SLC25A40: variants seen among roughly 807,000 people sequenced by gnomAD.
SLC25A40 encodes the protein mitochondrial glutathione transporter SLC25A40.
In SLC25A40, 41 loss-of-function variants were observed where a neutral mutation model predicts 46.5. The ratio of observed to expected loss-of-function variants is 0.88; its 90% CI spans 0.69 to 1.14. The LOEUF is 1.14. SLC25A40 is among the 50% of genes most tolerant of loss of function. The pLI is 0.00. For missense variants in SLC25A40, 386 were observed against 393.6 expected (o/e 0.98, Z 0.16); for synonymous variants, 126 against 127.5 (o/e 0.99, Z 0.08).
chr7:87,850,023 G>T, intron 5 of SLC25A40, 75 bp from the exon 6 acceptor site: 2 of 886,420 alleles, frequency 2.3e-6, no homozygotes, highest in South Asian at 1.9e-5. Context: ...ACTGATGATT[G>T]GTAATTTCAT....
At chr7:87,838,990 A>G (rs553511254) in intron 10 of SLC25A40, among the ~76,000 whole-genome samples, 28 of 151,692 alleles carry the variant, frequency 1.8e-4, no homozygotes, top group African/African-American at 5.8e-4. Context: ...GTTTTTAACA[A>G]TCTTGCCATG....
chr7:87,861,848 AAAC>A (rs1838704321), intron 1 of SLC25A40, among the ~76,000 whole-genome samples: 1 of 152,208 alleles, frequency 6.6e-6, no homozygotes, highest in Non-Finnish European at 1.5e-5. Flanking sequence ...GAATGTAAGG[AAAC>A]AAGTCAGAAA....
rs138037312 is a variant in SLC25A40, at chr7:87,876,299, A to C, written c.-297T>G. ...GGGTCTGAGACTGAGAGAGCAACGGAATGGAGGCGGGGTAGAGGCGGAAAC... is the reference window on the plus strand; with the variant it reads ...GGGTCTGAGACTGAGAGAGCAACGGCATGGAGGCGGGGTAGAGGCGGAAAC... On this transcript the variant is annotated 5_prime_UTR_variant, in exon 1 of 12. The change creates a new upstream start codon in the 5' untranslated region. Transcript: ENST00000341119. 1 of 161,280 alleles carries C rather than the reference A, an allele frequency of 6.2e-6. No homozygotes were observed. The highest frequency in any genetic ancestry group is 1.3e-5 in the Non-Finnish European group (1 of 74,860). 10.0% of individuals were successfully genotyped at this position (161,280 alleles called of 1,614,324 possible).
chr7:87,848,531 A>C (rs769930905), intron 6 of SLC25A40, among the ~76,000 whole-genome samples: 1 of 152,228 alleles, frequency 6.6e-6, no homozygotes, highest in Non-Finnish European at 1.5e-5. Flanking sequence ...TAACATCAGA[A>C]TCAGCGAAAT....
chr7:87,836,667 T>C, intron 11 of SLC25A40, 63 bp downstream of exon 11: 1 of 1,102,948 alleles, frequency 9.1e-7, no homozygotes, highest in Admixed American at 2.6e-5. Context: ...AAGTTAATTT[T>C]AGAAGGTAAT....
chr7:87,862,194 G>T (rs979970469), intron 1 of SLC25A40, among the ~76,000 whole-genome samples: 1 of 152,060 alleles, frequency 6.6e-6, no homozygotes, highest in African/African-American at 2.4e-5. Flanking sequence ...TCTCCTATGT[G>T]CAGACACTGT....
intron 10 of SLC25A40, 117 bp from the exon 11 acceptor site, chr7:87,836,927 GGTTT>G (rs1838265150): frequency 1.9e-6 from 1 of 518,256 alleles, no homozygotes; most frequent in Admixed American, 4.2e-5. Context: ...CATAAGAAGA[GGTTT>G]GTTTACCTAA....
intron 10 of SLC25A40, among the ~76,000 whole-genome samples, chr7:87,841,159 G>GTGTGTGTGTA (rs1353494290): frequency 7.3e-6 from 1 of 137,702 alleles, no homozygotes; most frequent in African/African-American, 2.8e-5. Flanking sequence ...GTGTGTGTGT[G>GTGTGTGTGTA]TATATATATA....
intron 1 of SLC25A40, among the ~76,000 whole-genome samples, chr7:87,866,982 G>A (rs542246486): frequency 2.8e-4 from 42 of 151,918 alleles, no homozygotes; most frequent in Non-Finnish European, 5.4e-4. Context: ...CCCTGGATGC[G>A]CCTTTTAAGC....
Position 87,847,048 on chromosome 7 carries a change from C to G in SLC25A40, c.532G>C (p.Glu178Gln), listed in dbSNP as rs1838432476. 1.2e-6 allele frequency: 2 copies of G among 1,613,712 alleles called. No individual in the cohort carries two copies. ...KMQSKKFSYV[E>Q]LHRFVSKKVS... The stretch of plus-strand genomic sequence containing the variant: ...TTCTTGCTGACAAATCGATGCAGTT[C>G]CACGTAAGAAAACTTCTTGGACTGC... The change falls in exon 8 of 12, where the codon GAA becomes CAA. Residue 178 changes from glutamate (E) to glutamine (Q), a missense_variant. Physicochemically the swap from Glu to Gln is conservative, Grantham distance 29. Coordinates refer to ENST00000341119, the MANE Select transcript of SLC25A40 (RefSeq NM_018843.4).
chr7:87,847,570 T>C (rs181873514), intron 7 of SLC25A40, among the ~76,000 whole-genome samples: 1 of 152,260 alleles, frequency 6.6e-6, no homozygotes, highest in East Asian at 1.9e-4. Context: ...TGATCCCAGA[T>C]GACACCTCAG....
chr7:87,836,561 T>C (rs758453018), intron 11 of SLC25A40, among the ~76,000 whole-genome samples, 169 bp downstream of exon 11: 5 of 151,508 alleles, frequency 3.3e-5, no homozygotes, highest in Non-Finnish European at 5.9e-5. Flanking sequence ...TTTTATCTTA[T>C]TGATAGTAAA....
chr7:87,874,412 T>C (rs1342079582), intron 1 of SLC25A40, among the ~76,000 whole-genome samples: 1 of 152,230 alleles, frequency 6.6e-6, no homozygotes, highest in Non-Finnish European at 1.5e-5. Flanking sequence ...CCCTTCATTA[T>C]ACTTTCCTAC....
At chr7:87,868,739 T>C (rs560489934) in intron 1 of SLC25A40, among the ~76,000 whole-genome samples, 17 of 152,292 alleles carry the variant, frequency 1.1e-4, no homozygotes, top group South Asian at 6.2e-4. Context: ...AACCTCAACA[T>C]ATTCAGCTAT....
chr7:87,838,481 C>G (rs1838287351), intron 10 of SLC25A40, among the ~76,000 whole-genome samples: 2 of 151,438 alleles, frequency 1.3e-5, no homozygotes, highest in Non-Finnish European at 3.0e-5. Flanking sequence ...TAAGCAAATT[C>G]TTACATTGTA....
chr7:87,855,168 A>G (rs1838589360), intron 4 of SLC25A40, among the ~76,000 whole-genome samples: 2 of 151,940 alleles, frequency 1.3e-5, no homozygotes, highest in South Asian at 4.1e-4. Context: ...TCTCAAAAAA[A>G]AAAAAAAAAA....
intron 4 of SLC25A40, among the ~76,000 whole-genome samples, chr7:87,854,698 G>C (rs1480110595): frequency 2.0e-5 from 3 of 151,586 alleles, no homozygotes; most frequent in Admixed American, 2.0e-4. Context: ...TGTAGTCCCA[G>C]CTACTCGGGA....
rs201629378 is a variant in SLC25A40, at chr7:87,847,039, G to A, written c.541C>T (p.Arg181Ter). The A allele has an allele frequency of 3.2e-5, 52 of 1,613,742 alleles. No homozygotes were observed. Among genetic ancestry groups the A allele is most frequent in the Middle Eastern group, 3.3e-4 (2 of 6,060 alleles). Residue 181 changes from arginine (R) to a stop codon, truncating the protein, a stop_gained, in exon 8 of 12, where the codon CGA becomes TGA. Transcript: ENST00000341119. LOFTEE classifies it high-confidence loss of function. ...TCAGATACTTTCTTGCTGACAAATCGATGCAGTTCCACGTAAGAAAACTTC... is the reference window on the plus strand; with the variant it reads ...TCAGATACTTTCTTGCTGACAAATCAATGCAGTTCCACGTAAGAAAACTTC... ...SKKFSYVELH[R>*]FVSKKVSEDG...
chr7:87,835,886 T>G lies in SLC25A40; in HGVS notation c.*363A>C, dbSNP rs1838252115. On this transcript the variant is annotated 3_prime_UTR_variant, in exon 12 of 12. Coordinates refer to ENST00000341119, the MANE Select transcript of SLC25A40 (RefSeq NM_018843.4). ...TTGGGCTTTTTTCTTCTAGACTATG[T>G]ACATCATTCAGCACACAATTCAAAA... The G allele has an allele frequency of 5.8e-6, 1 of 171,978 alleles. No individual in the cohort carries two copies. Among genetic ancestry groups the G allele is most frequent in the Admixed American group, 6.5e-5 (1 of 15,396 alleles). The allele number at this position is 171,978 out of a possible 1,614,324, so 10.7% of individuals were successfully genotyped here.
Sources: allele counts gnomAD v4.1 joint callset (sites outside exome capture counted in the v4.1 genomes callset), GRCh38; gene constraint gnomAD v4.1.1; transcripts MANE v1.5; gene names NCBI Gene and HGNC (gene_info 2026-07-23, HGNC 2026-07-21).